OR13C3: variants seen among roughly 807,000 people sequenced by gnomAD.
The protein encoded by OR13C3 is olfactory receptor 13C3.
OR13C3 carries 19 observed loss-of-function variants against 14.4 expected under a neutral mutation model. That is an observed-to-expected ratio of 1.31 (90% CI 0.92 to 1.93). OR13C3 has a LOEUF of 1.93. Among genes scored for constraint, OR13C3 ranks in the 30% most tolerant of loss-of-function variants. OR13C3 has a pLI of 0.00. For missense variants in OR13C3, 394 were observed against 381.4 expected (o/e 1.03, Z -0.27); for synonymous variants, 140 against 142.5 (o/e 0.98, Z 0.12).
exon 1 of OR13C3, chr9:104,536,102 C>G: frequency 6.2e-7 from 1 of 1,613,850 alleles, no homozygotes; most frequent in Non-Finnish European, 8.5e-7. Context: ...AGTGGAAGAA[C>G]CAGGAAGGCC....
At chr9:104,536,815 C>T in exon 1 of OR13C3, 2 of 1,601,912 alleles carry the variant, frequency 1.2e-6, no homozygotes, top group Non-Finnish European at 1.7e-6. Context: ...AACAATCATT[C>T]TTTTGACACA....
exon 1 of OR13C3, chr9:104,536,011 A>C (rs777715006): frequency 6.2e-7 from 1 of 1,614,030 alleles, no homozygotes; most frequent in Admixed American, 1.7e-5. Flanking sequence ...GCACGTGGAA[A>C]ATGCCTTGCG....
At chr9:104,536,092 A>C (rs781348824) in exon 1 of OR13C3, 1 of 1,614,000 alleles carries the variant, frequency 6.2e-7, no homozygotes, top group Non-Finnish European at 8.5e-7. Flanking sequence ...AATGACCATC[A>C]GTGGAAGAAC....
chr9:104,535,849 T>C, exon 1 of OR13C3: 1 of 1,613,534 alleles, frequency 6.2e-7, no homozygotes, highest in Non-Finnish European at 8.5e-7. Context: ...GAGTATAGGA[T>C]TCAGCATGGG....
chr9:104,536,700 A>G, exon 1 of OR13C3: 6 of 1,613,790 alleles, frequency 3.7e-6, no homozygotes, highest in Non-Finnish European at 5.1e-6. Context: ...ATTCTGACAC[A>G]AGTGTCTGGT....
rs779314564 is a variant in OR13C3 at position 104,536,808 on chromosome 9, A to C, written c.-85T>G. On this transcript the variant is annotated 5_prime_UTR_variant, in exon 1 of 1. It adds an upstream start codon to the 5' untranslated region. Transcript: ENST00000641090. ...AACAAACAGTACAAATTAACTGAAC[A>C]ATCATTCTTTTGACACATATTAGAA... The C allele has an allele frequency of 2.5e-6, 4 of 1,607,210 alleles. No homozygotes were observed. The highest frequency in any genetic ancestry group is 3.4e-5 in the Admixed American group (2 of 59,420).
chr9:104,536,605 A>G, exon 1 of OR13C3: 2 of 1,614,008 alleles, frequency 1.2e-6, no homozygotes, highest in Middle Eastern at 1.7e-4. Flanking sequence ...ACCATTGCCA[A>G]TTAGAATCAC....
exon 1 of OR13C3, chr9:104,535,771 T>C (rs1431708172): frequency 1.3e-6 from 2 of 1,590,748 alleles, no homozygotes; most frequent in Admixed American, 1.7e-5. Context: ...CTGGTTTCAT[T>C]AGTGAATTGG....
chr9:104,536,315 T>G (rs1828816838), exon 1 of OR13C3: 6 of 1,614,072 alleles, frequency 3.7e-6, no homozygotes, highest in Non-Finnish European at 5.1e-6. Context: ...GCCACCTTGC[T>G]CAGGATGATG....
chr9:104,535,752 C>A, exon 1 of OR13C3: 1 of 1,520,286 alleles, frequency 6.6e-7, no homozygotes, highest in South Asian at 1.1e-5. Context: ...AAACAAAGAC[C>A]TACATGTCCT....
Position 104,536,462 on chromosome 9 carries a change from T to C in OR13C3, c.262A>G (p.Lys88Glu), listed in dbSNP as rs755443420. 1.2e-5 allele frequency: 20 copies of C among 1,614,030 alleles called. No individual in the cohort carries two copies. The Admixed American group carries it at 2.5e-4, about 20-fold the overall frequency. ...CCAGAGAAGGAAATGTTTCTTTTCTTTGAGATTAAGCTCACCAATGTTGAG... is the reference window on the plus strand; with the variant it reads ...CCAGAGAAGGAAATGTTTCTTTTCTCTGAGATTAAGCTCACCAATGTTGAG... Residue 88 changes from lysine to glutamate, a missense_variant, in exon 1 of 1, where the codon AAG becomes GAG. Transcript: ENST00000641090.
exon 1 of OR13C3, chr9:104,535,940 G>T (rs1271423297): frequency 6.2e-7 from 1 of 1,613,934 alleles, no homozygotes; most frequent in African/African-American, 1.3e-5. Flanking sequence ...TGAGACTTCG[G>T]TTTCGCATAC....
exon 1 of OR13C3, chr9:104,536,580 G>A: frequency 6.2e-7 from 1 of 1,613,994 alleles, no homozygotes; most frequent in Non-Finnish European, 8.5e-7. Context: ...CAAAGATGCT[G>A]GCTATGATTA....
At chr9:104,536,707 T>C (rs776109998) in exon 1 of OR13C3, 2 of 1,613,578 alleles carry the variant, frequency 1.2e-6, no homozygotes, top group South Asian at 2.2e-5. Context: ...CACAAGTGTC[T>C]GGTTAATCTC....
At chr9:104,535,834 C>A in exon 1 of OR13C3, 1 of 1,613,702 alleles carries the variant, frequency 6.2e-7, no homozygotes, top group Non-Finnish European at 8.5e-7. Context: ...ATTTCTCAAG[C>A]TATAGAGTAT....
exon 1 of OR13C3, chr9:104,535,890 C>A: frequency 6.2e-7 from 1 of 1,613,668 alleles, no homozygotes; most frequent in Non-Finnish European, 8.5e-7. Flanking sequence ...GAGAAATGAG[C>A]TTGTCTAATG....
At chr9:104,535,789 T>C (rs756868453) in exon 1 of OR13C3, 3 of 1,610,944 alleles carry the variant, frequency 1.9e-6, no homozygotes, top group Non-Finnish European at 2.5e-6. Flanking sequence ...TGGTTTTTTG[T>C]TCAGCAAATA....
chr9:104,536,484 T>C (rs181227192), exon 1 of OR13C3: 1 of 1,614,110 alleles, frequency 6.2e-7, no homozygotes, highest in East Asian at 2.2e-5. Flanking sequence ...TCACCAATGT[T>C]GAGGGAACAG....
In OR13C3 at chr9:104,535,885, A is replaced by G. The variant is rs764457161; in HGVS notation, c.839T>C (p.Ile280Thr). Residue 280 changes from isoleucine to threonine, a missense_variant, in exon 1 of 1, where the codon ATT becomes ACT. By Grantham distance (89) the Ile-to-Thr change is moderately conservative. Transcript: ENST00000641090. ...TGTCACTACCCCATAAAACAGAGAAATGAGCTTGTCTAATGCTTGCAATTT... is the reference window on the plus strand; with the variant it reads ...TGTCACTACCCCATAAAACAGAGAAGTGAGCTTGTCTAATGCTTGCAATTT... 6.2e-6 allele frequency: 10 copies of G among 1,613,726 alleles called. No individual in the cohort carries two copies. In the South Asian group the frequency reaches 9.9e-5, roughly 16 times the overall value.
Sources: allele counts gnomAD v4.1 joint callset, GRCh38; gene constraint gnomAD v4.1.1; transcripts MANE v1.5; gene names NCBI Gene and HGNC (gene_info 2026-07-23, HGNC 2026-07-21).